DENND1B: variants seen among roughly 807,000 people sequenced by gnomAD.
DENND1B encodes the protein DENN domain containing 1B.
A neutral mutation model predicts 90.1 loss-of-function variants in DENND1B; 59 were observed. The observed-to-expected ratio is 0.65, with a 90% CI of 0.53 to 0.81. The LOEUF is 0.81. DENND1B is among the 40% of genes least tolerant of loss of function. DENND1B has a pLI of 0.00. For missense variants in DENND1B, 862 were observed against 912.6 expected (o/e 0.94, Z 0.71); for synonymous variants, 337 against 324.6 (o/e 1.04, Z -0.41).
chr1:197,591,564 A>C (rs1255741540), intron 14 of DENND1B, among the ~76,000 whole-genome samples: 1 of 152,174 alleles, frequency 6.6e-6, no homozygotes, highest in East Asian at 1.9e-4. Flanking sequence ...TAGAAGACTA[A>C]AGGGAAGAGG....
At chr1:197,649,845 C>T (rs1652920654) in intron 7 of DENND1B, among the ~76,000 whole-genome samples, 1 of 152,024 alleles carries the variant, frequency 6.6e-6, no homozygotes, top group Non-Finnish European at 1.5e-5. Flanking sequence ...AAAGCAAATG[C>T]AATGAAAACA....
chr1:197,536,958 G>A (rs1219735653), intron 20 of DENND1B, among the ~76,000 whole-genome samples: 3 of 151,358 alleles, frequency 2.0e-5, no homozygotes, highest in Admixed American at 6.6e-5. Context: ...GGAGAATGGC[G>A]TGAACCCAGG....
intron 7 of DENND1B, among the ~76,000 whole-genome samples, chr1:197,649,303 G>A (rs1309233944): frequency 6.6e-6 from 1 of 152,146 alleles, no homozygotes; most frequent in Non-Finnish European, 1.5e-5. Context: ...GTTTTCAGCA[G>A]GGGACTTTAT....
intron 14 of DENND1B, among the ~76,000 whole-genome samples, chr1:197,584,822 C>G (rs977829358): frequency 6.6e-6 from 1 of 151,960 alleles, no homozygotes; most frequent in Admixed American, 6.6e-5. Context: ...CAGGCACATG[C>G]CACCATGCCC....
intron 2 of DENND1B, among the ~76,000 whole-genome samples, chr1:197,754,673 A>AAAAAAAAC (rs1654038218): frequency 2.6e-5 from 4 of 151,202 alleles, no homozygotes; most frequent in African/African-American, 9.7e-5. Flanking sequence ...AAAAAAAAAA[A>AAAAAAAAC]AAAAAAAAAA....
chr1:197,635,012 CAAGG>C lies in DENND1B; in HGVS notation c.672+7695_672+7698del, dbSNP rs201896777. Among the ~76,000 whole-genome samples, 198 of 150,200 alleles carry C rather than the reference CAAGG, an allele frequency of 1.3e-3. No individual in the cohort carries two copies. The South Asian group carries it at 0.014, about 11-fold the overall frequency. On this transcript the variant is annotated intron_variant, in intron 10 of 22. Coordinates refer to ENST00000620048, the MANE Select transcript of DENND1B (RefSeq NM_001195215.2). The stretch of plus-strand genomic sequence containing the variant: ...TCTGCGTGAAAAGGAAGGAAGGAAG[CAAGG>C]AAGGAAGGAAGGAAGGAAGGAAGGG...
At chr1:197,595,495 G>T (rs573764058) in intron 13 of DENND1B, among the ~76,000 whole-genome samples, 162 bp from the exon 14 acceptor site, 56 of 152,120 alleles carry the variant, frequency 3.7e-4, no homozygotes, top group Non-Finnish European at 6.6e-4. Context: ...CTGCTGGTCT[G>T]TTAATTGAAA....
intron 5 of DENND1B, among the ~76,000 whole-genome samples, chr1:197,670,238 T>G (rs1428189164): frequency 2.6e-5 from 4 of 152,172 alleles, no homozygotes; most frequent in Non-Finnish European, 5.9e-5. Context: ...CATTCAATAA[T>G]TATTTGTGAA....
intron 2 of DENND1B, among the ~76,000 whole-genome samples, chr1:197,769,503 A>G (rs1656132277): frequency 6.6e-6 from 1 of 152,192 alleles, no homozygotes; most frequent in Non-Finnish European, 1.5e-5. Flanking sequence ...ACCGCAAGAA[A>G]TCTAAGCCCT....
intron 2 of DENND1B, among the ~76,000 whole-genome samples, chr1:197,750,592 A>AGATAGATG (rs1330053923): frequency 6.6e-6 from 1 of 151,990 alleles, no homozygotes; most frequent in Non-Finnish European, 1.5e-5. Flanking sequence ...ATAGATAGAT[A>AGATAGATG]GATAGATAGA....
rs553485448 is a variant in DENND1B, at chr1:197,598,193, A to G, written c.922-2860T>C. Among the ~76,000 whole-genome samples the G allele has an allele frequency of 6.1e-4, 92 of 151,952 alleles. 2 individuals are homozygous for G. The highest frequency in any genetic ancestry group is 6.0e-3 in the Admixed American group (92 of 15,216). ...CTCTTTCTACATTATTTCAACTTTT[A>G]CAAATTACATAAAAATAATTTTTCC... On this transcript the variant is annotated intron_variant, in intron 13 of 22. Coordinates refer to ENST00000620048, the MANE Select transcript of DENND1B (RefSeq NM_001195215.2).
Position 197,545,914 on chromosome 1 carries a change from A to G in DENND1B, c.1350+8T>C. ...TAAATAGGATTGTTAAATATCAAAA[A>G]AACTTACAAATTTATATGCTGTCCG... On this transcript the variant is annotated splice_region_variant and intron_variant, in intron 18 of 22. Transcript: ENST00000620048. 1 of 1,598,512 alleles carries G rather than the reference A, an allele frequency of 6.3e-7. No individual in the cohort carries two copies. Among genetic ancestry groups the G allele is most frequent in the Non-Finnish European group, 8.5e-7 (1 of 1,175,470 alleles).
At chr1:197,613,508 T>C (rs1677367670) in intron 11 of DENND1B, among the ~76,000 whole-genome samples, 1 of 150,866 alleles carries the variant, frequency 6.6e-6, no homozygotes. Flanking sequence ...TTGAAAACTG[T>C]TTATAGGCCT....
In DENND1B at chr1:197,761,898, C is replaced by T. The variant is rs1278750214; in HGVS notation, c.82+10970G>A. On this transcript the variant is annotated intron_variant, in intron 2 of 22. Transcript: ENST00000620048. ...AAAGTTACAGTTTGTGGTTTTTCAACAGCTCTATTTAAAAAAAAAAAAAAA... is the reference window on the plus strand; with the variant it reads ...AAAGTTACAGTTTGTGGTTTTTCAATAGCTCTATTTAAAAAAAAAAAAAAA... 4 of 148,962 alleles carry T rather than the reference C, an allele frequency of 2.7e-5. No individual in the cohort carries two copies. In the East Asian group the frequency reaches 5.9e-4, roughly 22 times the overall value. 9.2% of individuals were successfully genotyped at this position (148,962 alleles called of 1,614,324 possible). A position where few individuals can be genotyped will look rare whatever the true frequency, so the allele number is the denominator to read the frequency against.
intron 15 of DENND1B, among the ~76,000 whole-genome samples, chr1:197,554,766 C>CA (rs1335177481): frequency 1.6e-5 from 2 of 128,718 alleles, no homozygotes; most frequent in Non-Finnish European, 3.1e-5. Flanking sequence ...CTCTTGAACC[C>CA]AGGAGGTAGA....
At chr1:197,715,977 A>T (rs913054241) in intron 2 of DENND1B, among the ~76,000 whole-genome samples, 4 of 151,842 alleles carry the variant, frequency 2.6e-5, no homozygotes, top group Non-Finnish European at 5.9e-5. Context: ...GATAAGACTA[A>T]TGTGTGTAAC....
At chr1:197,763,003 A>C (rs907859653) in intron 2 of DENND1B, among the ~76,000 whole-genome samples, 5 of 152,168 alleles carry the variant, frequency 3.3e-5, no homozygotes, top group Admixed American at 2.6e-4. Flanking sequence ...AAAAAAGATA[A>C]AATCACCACC....
At chr1:197,645,349 C>T (rs1347985260) in intron 9 of DENND1B, among the ~76,000 whole-genome samples, 2 of 152,028 alleles carry the variant, frequency 1.3e-5, no homozygotes, top group Non-Finnish European at 2.9e-5. Context: ...TAGAAGCCAT[C>T]TCCTGAGGTA....
At chr1:197,629,491 C>A (rs1452258556) in intron 10 of DENND1B, among the ~76,000 whole-genome samples, 1 of 133,418 alleles carries the variant, frequency 7.5e-6, no homozygotes, top group Non-Finnish European at 1.5e-5. Context: ...AACACATGGA[C>A]ACAGGAAGGG....
Sources: allele counts gnomAD v4.1 joint callset (sites outside exome capture counted in the v4.1 genomes callset), GRCh38; gene constraint gnomAD v4.1.1; transcripts MANE v1.5; gene names NCBI Gene and HGNC (gene_info 2026-07-23, HGNC 2026-07-21).